The following NCAM2 variants were observed in gnomAD, a reference collection of about 807,000 sequenced individuals.
NCAM2 encodes the protein neural cell adhesion molecule 2.
A neutral mutation model predicts 98.1 loss-of-function variants in NCAM2; 30 were observed. The observed-to-expected ratio is 0.31, with a 90% CI of 0.23 to 0.41. The LOEUF is 0.41. Ranked by LOEUF, NCAM2 falls within the 10% of genes least tolerant of loss-of-function variation. The pLI is 1.00. For missense variants in NCAM2, 867 were observed against 1,005.8 expected (o/e 0.86, Z 1.87); for synonymous variants, 368 against 342.4 (o/e 1.07, Z -0.83).
At position 21,176,674 on chromosome 21, in the gene NCAM2, G is replaced by GT. The variant is rs1027485387; in HGVS notation, c.56-103896dup. Among the ~76,000 whole-genome samples the GT allele has an allele frequency of 7.5e-4, 114 of 151,288 alleles. 1 individual carries two copies. Among genetic ancestry groups the GT allele is most frequent in the East Asian group, 1.9e-3 (10 of 5,142 alleles). On this transcript the variant is annotated intron_variant, in intron 1 of 17. Coordinates refer to ENST00000400546, the MANE Select transcript of NCAM2 (RefSeq NM_004540.5). ...TTTTAAGTCAGAATATTTTAAAAGT[G>GT]TTTTTTTTGAATTTTGTTTTCCATC... is the stretch of plus-strand genomic sequence containing the variant.
At chr21:21,466,756 T>C in intron 13 of NCAM2, 31 bp downstream of exon 13, 2 of 1,574,784 alleles carry the variant, frequency 1.3e-6, no homozygotes, top group Admixed American at 1.9e-5. Context: ...TTTATTCTCT[T>C]TTGTCATTTT....
At chr21:21,149,450 C>A (rs988458003) in intron 1 of NCAM2, among the ~76,000 whole-genome samples, 5 of 152,026 alleles carry the variant, frequency 3.3e-5, no homozygotes, top group Non-Finnish European at 5.9e-5. Flanking sequence ...GCAGAATGTG[C>A]AGGTTTGTTA....
intron 1 of NCAM2, among the ~76,000 whole-genome samples, chr21:21,133,902 CATATTGATGCTG>C (rs1395514522): frequency 6.6e-6 from 1 of 152,110 alleles, no homozygotes; most frequent in Non-Finnish European, 1.5e-5. Flanking sequence ...CTCACTGGTA[CATATTGATGCTG>C]AAGTAACACT....
intron 1 of NCAM2, among the ~76,000 whole-genome samples, chr21:21,122,100 C>A (rs562084765): frequency 2.8e-4 from 43 of 152,192 alleles, no homozygotes; most frequent in African/African-American, 8.7e-4. Flanking sequence ...TGCCTAAAAA[C>A]TATGAAGTTA....
intron 1 of NCAM2, among the ~76,000 whole-genome samples, chr21:21,008,212 A>G (rs1393767639): frequency 2.0e-5 from 3 of 152,196 alleles, no homozygotes; most frequent in Non-Finnish European, 4.4e-5. Context: ...ACTTTCTGAT[A>G]CAAGCTGAAA....
At chr21:21,226,552 T>G (rs2070390971) in intron 1 of NCAM2, 1 of 152,112 alleles carries the variant, frequency 6.6e-6, no homozygotes, top group Non-Finnish European at 1.5e-5. Flanking sequence ...ACAATGTCTA[T>G]TATGTTTGTT....
intron 8 of NCAM2, among the ~76,000 whole-genome samples, chr21:21,362,544 C>T (rs1392892595): frequency 6.6e-6 from 1 of 152,042 alleles, no homozygotes; most frequent in Non-Finnish European, 1.5e-5. Flanking sequence ...AGGCACATGC[C>T]ACCATGCCCA....
Position 21,147,756 on chromosome 21 carries a change from T to G in NCAM2, c.56-132822T>G, listed in dbSNP as rs2067326498. Reference sequence around the variant, plus strand: ...AGTAATATAAAAGCGTACATGTTTTTGATGTGTGTGCATATGCACTGGTGT... The same window carrying G: ...AGTAATATAAAAGCGTACATGTTTTGGATGTGTGTGCATATGCACTGGTGT... On this transcript the variant is annotated intron_variant, in intron 1 of 17. Coordinates refer to ENST00000400546, the MANE Select transcript of NCAM2 (RefSeq NM_004540.5). 2.7e-5 allele frequency among the ~76,000 whole-genome samples: 4 copies of G among 148,536 alleles called. No individual in the cohort carries two copies. The South Asian group carries it at 8.4e-4, about 31-fold the overall frequency.
chr21:21,091,950 C>T lies in NCAM2; in HGVS notation c.55+93332C>T, dbSNP rs1030505322. Among the ~76,000 whole-genome samples the T allele has an allele frequency of 5.9e-5, 9 of 151,776 alleles. No homozygotes were observed. The East Asian group carries it at 7.7e-4, about 13-fold the overall frequency. On this transcript the variant is annotated intron_variant, in intron 1 of 17. Transcript: ENST00000400546. ...TTGTACTCTACATTAAGTAGGGGCT[C>T]GGTTTTAGATACCTCTGTTTTTAGT... is the stretch of plus-strand genomic sequence containing the variant.
chr21:21,103,818 T>G (rs2066291179), intron 1 of NCAM2, among the ~76,000 whole-genome samples: 1 of 152,128 alleles, frequency 6.6e-6, no homozygotes, highest in Non-Finnish European at 1.5e-5. Flanking sequence ...AAGTTAGTCA[T>G]TTTGTTTTTG....
At chr21:21,210,635 A>C in intron 1 of NCAM2, 1 of 1,285,826 alleles carries the variant, frequency 7.8e-7, no homozygotes, top group South Asian at 1.2e-5. Flanking sequence ...GTTGACTGGA[A>C]ATACAACGAA....
intron 9 of NCAM2, among the ~76,000 whole-genome samples, chr21:21,377,600 G>A (rs1371534180): frequency 1.3e-5 from 2 of 151,780 alleles, no homozygotes; most frequent in Non-Finnish European, 2.9e-5. Flanking sequence ...ATCCATTTAT[G>A]GGGTACAATG....
At chr21:21,339,491 A>G (rs2074966174) in intron 8 of NCAM2, among the ~76,000 whole-genome samples, 1 of 152,036 alleles carries the variant, frequency 6.6e-6, no homozygotes, top group Non-Finnish European at 1.5e-5. Flanking sequence ...TTGAAATGAT[A>G]GAACTGGCAA....
chr21:21,340,655 T>C (rs1426336164), intron 8 of NCAM2, among the ~76,000 whole-genome samples: 2 of 152,018 alleles, frequency 1.3e-5, no homozygotes, highest in East Asian at 3.8e-4. Context: ...CCAAATATAT[T>C]TTAAGATCCT....
chr21:21,285,493 C>G (rs2073067764), intron 3 of NCAM2, among the ~76,000 whole-genome samples: 1 of 151,718 alleles, frequency 6.6e-6, no homozygotes, highest in Non-Finnish European at 1.5e-5. Context: ...ATCTATTTCA[C>G]AATAGCAAAT....
intron 1 of NCAM2, among the ~76,000 whole-genome samples, chr21:21,264,274 G>A (rs1471208349): frequency 2.0e-5 from 3 of 151,982 alleles, no homozygotes; most frequent in African/African-American, 7.2e-5. Flanking sequence ...TCAGAGAAAT[G>A]CAAATTAAAA....
intron 16 of NCAM2, among the ~76,000 whole-genome samples, chr21:21,518,897 T>C (rs1347778084): frequency 1.3e-5 from 2 of 152,122 alleles, no homozygotes; most frequent in African/African-American, 4.8e-5. Context: ...AAGCACTAAA[T>C]GAATGAAAGG....
chr21:21,183,901 A>G (rs923725896), intron 1 of NCAM2, among the ~76,000 whole-genome samples: 1 of 152,106 alleles, frequency 6.6e-6, no homozygotes, highest in Non-Finnish European at 1.5e-5. Flanking sequence ...ATGATCCCAC[A>G]TTTTCATTTT....
chr21:21,067,163 T>C (rs2065458396), intron 1 of NCAM2, among the ~76,000 whole-genome samples: 1 of 151,058 alleles, frequency 6.6e-6, no homozygotes, highest in African/African-American at 2.4e-5. Context: ...TATAGCAAAA[T>C]GTATTACACA....
Sources: gnomAD v4.1 joint callset for allele counts (sites outside exome capture counted in the v4.1 genomes callset) on GRCh38, gnomAD v4.1.1 for gene constraint, MANE v1.5 for transcripts, NCBI Gene and HGNC (gene_info 2026-07-23, HGNC 2026-07-21) for gene names.